NUDCD1: variants seen among roughly 807,000 people sequenced by gnomAD.
The protein encoded by NUDCD1 is NudC domain containing 1.
Under a neutral mutation model 67.8 loss-of-function variants are expected in NUDCD1, and 60 were observed. The observed-to-expected ratio is 0.88, with a 90% CI of 0.72 to 1.10. The LOEUF is 1.10. Among genes scored for constraint, NUDCD1 ranks in the 50% least tolerant of loss-of-function variants. NUDCD1 has a pLI of 0.00. For missense variants in NUDCD1, 643 were observed against 695.0 expected, an observed-to-expected ratio of 0.93 and a Z score of 0.84; for synonymous variants, 244 against 230.8, an observed-to-expected ratio of 1.06 and a Z score of -0.52.
intron 2 of NUDCD1, among the ~76,000 whole-genome samples, chr8:109,305,646 T>C (rs1275907852): frequency 1.3e-5 from 2 of 152,104 alleles, no homozygotes; most frequent in African/African-American, 4.8e-5. Flanking sequence ...TCCCAAGCAC[T>C]AGCCCTCTAA....
chr8:109,242,353 A>G lies in NUDCD1; in HGVS notation c.*656T>C. 1 of 386,858 alleles carries G rather than the reference A, an allele frequency of 2.6e-6. No individual in the cohort carries two copies. The highest frequency in any genetic ancestry group is 4.6e-6 in the Non-Finnish European group (1 of 218,936). The allele number at this position is 386,858 out of a possible 1,614,324, so 24.0% of individuals were successfully genotyped here. A position where few individuals can be genotyped will look rare whatever the true frequency, so the allele number is the denominator to read the frequency against. On this transcript the variant is annotated 3_prime_UTR_variant, in exon 10 of 10. Transcript: ENST00000239690. ...AACTCACTGAATCGTGAAAAATAAT[A>G]AAAGTCCTTGTTTTAAACCACTGAG... is the stretch of plus-strand genomic sequence containing the variant.
chr8:109,275,705 A>T (rs1197476307), intron 6 of NUDCD1, among the ~76,000 whole-genome samples: 1 of 152,210 alleles, frequency 6.6e-6, no homozygotes, highest in African/African-American at 2.4e-5. Flanking sequence ...ATAAAGAAAG[A>T]AAGTACCACT....
At chr8:109,314,480 T>C (rs923546357) in intron 2 of NUDCD1, among the ~76,000 whole-genome samples, 7 of 152,124 alleles carry the variant, frequency 4.6e-5, no homozygotes, top group Non-Finnish European at 7.4e-5. Flanking sequence ...TGCTAGAAAA[T>C]GACAGGGCCA....
intron 2 of NUDCD1, among the ~76,000 whole-genome samples, chr8:109,299,624 G>C (rs1051797699): frequency 6.6e-6 from 1 of 152,076 alleles, no homozygotes; most frequent in African/African-American, 2.4e-5. Context: ...CCTGAGCTCA[G>C]ACACGCCTAG....
intron 2 of NUDCD1, among the ~76,000 whole-genome samples, chr8:109,314,234 G>T (rs1266716232): frequency 6.6e-6 from 1 of 151,946 alleles, no homozygotes; most frequent in Non-Finnish European, 1.5e-5. Context: ...ACGTTCAAGG[G>T]CTAACACTGA....
At chr8:109,269,177 G>C (rs967674758) in intron 8 of NUDCD1, among the ~76,000 whole-genome samples, 1 of 152,210 alleles carries the variant, frequency 6.6e-6, no homozygotes, top group Non-Finnish European at 1.5e-5. Flanking sequence ...GGTAGGTGTT[G>C]AGGACACTGG....
chr8:109,298,359 G>A (rs1586288973), intron 2 of NUDCD1, among the ~76,000 whole-genome samples: 1 of 152,184 alleles, frequency 6.6e-6, no homozygotes, highest in Non-Finnish European at 1.5e-5. Flanking sequence ...TTTTACTGTA[G>A]GTCACATCAT....
intron 8 of NUDCD1, among the ~76,000 whole-genome samples, chr8:109,265,044 A>T (rs1228484178): frequency 2.6e-5 from 4 of 152,060 alleles, no homozygotes; most frequent in African/African-American, 9.7e-5. Context: ...GGCAAAGTAA[A>T]CCCATTGGGT....
chr8:109,287,849 A>C (rs1388917746), intron 5 of NUDCD1, among the ~76,000 whole-genome samples: 2 of 152,180 alleles, frequency 1.3e-5, no homozygotes, highest in South Asian at 4.1e-4. Flanking sequence ...GTAAAGTCAC[A>C]GTTTTTTAAT....
intron 2 of NUDCD1, among the ~76,000 whole-genome samples, chr8:109,304,696 C>T (rs1320096609): frequency 1.3e-5 from 2 of 152,176 alleles, no homozygotes; most frequent in African/African-American, 4.8e-5. Context: ...TTCTCAAGGC[C>T]GCTTTACTTC....
intron 2 of NUDCD1, chr8:109,316,057 C>T (rs1347400200): frequency 6.6e-6 from 1 of 152,054 alleles, no homozygotes; most frequent in Non-Finnish European, 1.5e-5. Context: ...GTAACAGAAA[C>T]AAATTAGCTT....
intron 2 of NUDCD1, among the ~76,000 whole-genome samples, chr8:109,304,695 C>T (rs1815063674): frequency 6.6e-6 from 1 of 152,208 alleles, no homozygotes; most frequent in African/African-American, 2.4e-5. Context: ...CTTCTCAAGG[C>T]CGCTTTACTT....
In NUDCD1 at chr8:109,334,071, C is replaced by T. The variant is rs1024645367; in HGVS notation, c.-61G>A. ...CCCTTGTTGAAAGGTCCGCGCTTCA[C>T]GCCTCGCACAGAGACTGGGAAGCGG... On this transcript the variant is annotated 5_prime_UTR_variant, in exon 1 of 10. The change creates a new upstream start codon in the 5' untranslated region. Transcript: ENST00000239690. 15 of 1,606,606 alleles carry T rather than the reference C, an allele frequency of 9.3e-6. No individual in the cohort carries two copies. The highest frequency in any genetic ancestry group is 1.7e-5 in the Admixed American group (1 of 59,144).
chr8:109,324,962 T>G (rs1309986075), intron 1 of NUDCD1, among the ~76,000 whole-genome samples: 2 of 152,110 alleles, frequency 1.3e-5, no homozygotes, highest in Non-Finnish European at 2.9e-5. Context: ...TGACAGTGCG[T>G]GCCTGTAATT....
intron 8 of NUDCD1, among the ~76,000 whole-genome samples, chr8:109,263,250 T>C (rs929852985): frequency 4.6e-5 from 7 of 151,980 alleles, no homozygotes; most frequent in Admixed American, 4.6e-4. Context: ...TGAACAACCT[T>C]AGAAGATAGA....
chr8:109,246,395 T>G (rs80054571), intron 8 of NUDCD1, among the ~76,000 whole-genome samples: 3,697 of 152,270 alleles, frequency 0.024, 139 homozygotes, highest in African/African-American at 0.084. Flanking sequence ...CTTGGAGAGT[T>G]TGAGTAACTT....
At chr8:109,333,776 A>C (rs1815875043) in intron 1 of NUDCD1, 117 bp downstream of exon 1, 9 of 1,144,400 alleles carry the variant, frequency 7.9e-6, no homozygotes. Flanking sequence ...GAGTCCACGC[A>C]AGCCGCCACG....
chr8:109,268,466 G>T (rs935250975), intron 8 of NUDCD1, among the ~76,000 whole-genome samples: 4 of 152,106 alleles, frequency 2.6e-5, no homozygotes, highest in Admixed American at 2.6e-4. Context: ...GCCATTGCTT[G>T]GTTTTAATTA....
chr8:109,270,946 C>A, intron 8 of NUDCD1, 59 bp downstream of exon 8: 1 of 1,110,370 alleles, frequency 9.0e-7, no homozygotes, highest in South Asian at 1.5e-5. Context: ...ATATTTAGAC[C>A]AATCATTATC....
Sources: allele counts gnomAD v4.1 joint callset (sites outside exome capture counted in the v4.1 genomes callset), GRCh38; gene constraint gnomAD v4.1.1; transcripts MANE v1.5; gene names NCBI Gene and HGNC (gene_info 2026-07-23, HGNC 2026-07-21).